The following STXBP6 variants were observed in gnomAD, a reference collection of about 807,000 sequenced individuals.
The protein encoded by STXBP6 is syntaxin binding protein 6.
STXBP6 carries 21 observed loss-of-function variants against 26.9 expected under a neutral mutation model. The observed-to-expected ratio is 0.78, with a 90% CI of 0.55 to 1.12. The LOEUF is 1.12. Among genes scored for constraint, STXBP6 ranks in the 50% most tolerant of loss-of-function variants. The probability of loss-of-function intolerance (pLI) is 0.00; values close to 1 mark genes in which losing one functional copy is unlikely to be tolerated. For synonymous variants in STXBP6, 97 were observed against 92.6 expected, an observed-to-expected ratio of 1.05 and a Z score of -0.27; for missense variants, 232 against 257.9, an observed-to-expected ratio of 0.90 and a Z score of 0.69.
chr14:25,001,787 T>G (rs1404074699), intron 1 of STXBP6, among the ~76,000 whole-genome samples: 1 of 152,268 alleles, frequency 6.6e-6, no homozygotes, highest in Non-Finnish European at 1.5e-5. Context: ...TAATTTTTCT[T>G]GCACATGGGA....
chr14:24,974,129 C>T (rs1282600277), intron 2 of STXBP6, among the ~76,000 whole-genome samples: 1 of 151,884 alleles, frequency 6.6e-6, no homozygotes, highest in Non-Finnish European at 1.5e-5. Context: ...AGATTCAAAG[C>T]TTAATAAAAC....
At chr14:24,914,453 T>G (rs919338056) in intron 2 of STXBP6, among the ~76,000 whole-genome samples, 1 of 152,216 alleles carries the variant, frequency 6.6e-6, no homozygotes, top group Non-Finnish European at 1.5e-5. Flanking sequence ...ATACTGCCCT[T>G]AATTAGTCAA....
intron 2 of STXBP6, among the ~76,000 whole-genome samples, chr14:24,915,822 C>T (rs576177206): frequency 2.0e-5 from 3 of 152,066 alleles, no homozygotes; most frequent in African/African-American, 4.8e-5. Context: ...GTTTGCAGAA[C>T]AAAAATAGAT....
rs1014812609 is a variant in STXBP6 at position 24,812,809 on chromosome 14, T to A, written c.610-77A>T. 9.4e-5 allele frequency: 131 copies of A among 1,388,862 alleles called. No individual in the cohort carries two copies. The African/African-American group carries it at 1.6e-3, about 17-fold the overall frequency. 86.0% of individuals were successfully genotyped at this position (1,388,862 alleles called of 1,614,324 possible). A position where few individuals can be genotyped will look rare whatever the true frequency, so the allele number is the denominator to read the frequency against. Reference sequence around the variant, plus strand: ...AGAGAGATTTCACTGTGCTGCTCCCTCTCCACCTCCACAATGAGAAGCAGC... The same window carrying A: ...AGAGAGATTTCACTGTGCTGCTCCCACTCCACCTCCACAATGAGAAGCAGC... On this transcript the variant is annotated intron_variant, in intron 5 of 5. Coordinates refer to ENST00000323944, the MANE Select transcript of STXBP6 (RefSeq NM_001394410.1).
At chr14:24,841,523 CCTT>C (rs1450371461) in intron 4 of STXBP6, among the ~76,000 whole-genome samples, 1 of 152,118 alleles carries the variant, frequency 6.6e-6, no homozygotes, top group East Asian at 1.9e-4. Context: ...CATTCTTAAA[CCTT>C]CTTTAAAAAT....
At chr14:24,884,715 C>T (rs2070503312) in intron 2 of STXBP6, among the ~76,000 whole-genome samples, 1 of 152,124 alleles carries the variant, frequency 6.6e-6, no homozygotes, top group Non-Finnish European at 1.5e-5. Flanking sequence ...AAAATATGCA[C>T]ATATTCAGTA....
At chr14:24,879,721 C>T (rs1459821097) in intron 2 of STXBP6, among the ~76,000 whole-genome samples, 1 of 138,792 alleles carries the variant, frequency 7.2e-6, no homozygotes, top group Non-Finnish European at 1.6e-5. Flanking sequence ...CGTCGCCTTT[C>T]TTTCTCTAAG....
chr14:24,822,986 C>A (rs149516368), intron 4 of STXBP6, among the ~76,000 whole-genome samples: 1 of 152,112 alleles, frequency 6.6e-6, no homozygotes, highest in Non-Finnish European at 1.5e-5. Context: ...CTGAGGCCAA[C>A]AGCATAGTAA....
intron 2 of STXBP6, among the ~76,000 whole-genome samples, chr14:24,924,783 C>T (rs1223912765): frequency 3.3e-5 from 5 of 152,186 alleles, no homozygotes; most frequent in Non-Finnish European, 5.9e-5. Flanking sequence ...GGTCATGGCT[C>T]AGTCTCACAT....
At chr14:24,963,930 C>T (rs1403116325) in intron 2 of STXBP6, among the ~76,000 whole-genome samples, 1 of 148,004 alleles carries the variant, frequency 6.8e-6, no homozygotes, top group Non-Finnish European at 1.5e-5. Context: ...TAAAAGACCA[C>T]CCAGTAGCAT....
chr14:24,937,824 G>A (rs1016103284), intron 2 of STXBP6, among the ~76,000 whole-genome samples: 1 of 152,072 alleles, frequency 6.6e-6, no homozygotes, highest in Non-Finnish European at 1.5e-5. Flanking sequence ...CAGCCATTTG[G>A]CTGAGATTTA....
chr14:24,990,169 G>A (rs886857604), intron 1 of STXBP6, among the ~76,000 whole-genome samples: 11 of 152,142 alleles, frequency 7.2e-5, no homozygotes, highest in African/African-American at 2.2e-4. Context: ...AATGAGTTAC[G>A]AGCCAGGCCG....
At chr14:24,940,742 G>A (rs894045478) in intron 2 of STXBP6, among the ~76,000 whole-genome samples, 5 of 152,272 alleles carry the variant, frequency 3.3e-5, no homozygotes, top group South Asian at 2.1e-4. Flanking sequence ...TGGCCTTGCC[G>A]AGGTGGCTCA....
chr14:24,964,504 G>A (rs1190801970), intron 2 of STXBP6, among the ~76,000 whole-genome samples: 1 of 152,182 alleles, frequency 6.6e-6, no homozygotes, highest in Non-Finnish European at 1.5e-5. Flanking sequence ...CTTCTTCATG[G>A]AAGCTGAGTA....
chr14:24,848,875 A>G (rs1410573869), intron 4 of STXBP6, among the ~76,000 whole-genome samples: 1 of 152,162 alleles, frequency 6.6e-6, no homozygotes, highest in Non-Finnish European at 1.5e-5. Flanking sequence ...GAGAAAACAC[A>G]CACGTACAAA....
In STXBP6 at chr14:24,846,318, A is replaced by T. The variant is rs1397935678; in HGVS notation, c.451+9618T>A. On this transcript the variant is annotated intron_variant, in intron 4 of 5. Coordinates refer to ENST00000323944, the MANE Select transcript of STXBP6 (RefSeq NM_001394410.1). ...CTATGTAGAATAGCCACAATATAAC[A>T]CTAATTTTCTAAGTTCTCTGAATAT... Among the ~76,000 whole-genome samples the T allele has an allele frequency of 2.0e-5, 3 of 152,220 alleles. No individual in the cohort carries two copies. In the East Asian group the frequency reaches 5.8e-4, roughly 29 times the overall value.
intron 4 of STXBP6, among the ~76,000 whole-genome samples, chr14:24,850,399 G>A (rs559220773): frequency 6.6e-6 from 1 of 152,176 alleles, no homozygotes; most frequent in East Asian, 1.9e-4. Context: ...TCATCTGAAG[G>A]GCTGTGCATA....
chr14:24,898,956 T>C (rs745972203), intron 2 of STXBP6, among the ~76,000 whole-genome samples: 1 of 152,216 alleles, frequency 6.6e-6, no homozygotes, highest in African/African-American at 2.4e-5. Context: ...CATGATTGAT[T>C]ATACCACTGG....
intron 1 of STXBP6, among the ~76,000 whole-genome samples, chr14:25,009,177 G>T (rs2074974238): frequency 6.6e-6 from 1 of 152,152 alleles, no homozygotes; most frequent in Non-Finnish European, 1.5e-5. Context: ...TGTATTATAA[G>T]ACGTCAAGTT....
Sources: allele counts gnomAD v4.1 joint callset (sites outside exome capture counted in the v4.1 genomes callset), GRCh38; gene constraint gnomAD v4.1.1; transcripts MANE v1.5; gene names NCBI Gene and HGNC (gene_info 2026-07-23, HGNC 2026-07-21).